Variants in FCAMR observed in about 807,000 individuals in gnomAD.
The protein encoded by FCAMR is Fc alpha and mu receptor.
FCAMR carries 51 observed loss-of-function variants against 52.2 expected under a neutral mutation model. The ratio of observed to expected loss-of-function variants is 0.98; its 90% CI spans 0.78 to 1.23. The LOEUF (loss-of-function observed/expected upper bound fraction) is 1.23, where lower values mean the gene tolerates loss of function less well. Ranked by LOEUF, FCAMR falls within the 50% of genes most tolerant of loss-of-function variation. The probability of loss-of-function intolerance (pLI) is 0.00; values close to 1 mark genes in which losing one functional copy is unlikely to be tolerated. For synonymous variants in FCAMR, 282 were observed against 262.0 expected (o/e 1.08, Z -0.74); for missense variants, 719 against 712.6 (o/e 1.01, Z -0.10).
upstream of FCAMR, chr1:206,970,536 T>C (rs56198560): frequency 3.5e-3 from 545 of 155,702 alleles, 15 homozygotes; most frequent in Admixed American, 0.024. Flanking sequence ...GGACAAGTGA[T>C]GCAACAACTT....
At chr1:206,958,881 C>G (rs937773537) in intron 7 of FCAMR, 20 of 687,340 alleles carry the variant, frequency 2.9e-5, no homozygotes, top group Middle Eastern at 4.7e-4. Flanking sequence ...TAGCCTCCTC[C>G]ACTTGCTGCC....
intron 5 of FCAMR, 24 bp from the exon 6 acceptor site, chr1:206,961,247 C>CA: frequency 6.7e-7 from 1 of 1,498,400 alleles, no homozygotes; most frequent in South Asian, 1.3e-5. Context: ...AGAGGGAGGC[C>CA]ACATGGGAAG....
Position 206,959,932 on chromosome 1 carries a change from G to T in FCAMR, c.1455-135C>A, listed in dbSNP as rs536128027. On this transcript the variant is annotated intron_variant, in intron 6 of 7. Coordinates refer to ENST00000324852, the MANE Select transcript of FCAMR (RefSeq NM_001170631.2). ...GCAAATGGGCAGCCCTGGTTCCCAT[G>T]GCTGGTTAGTGTCAGAGCTTGGGGC... The T allele has an allele frequency of 7.4e-5, 51 of 693,136 alleles. No homozygotes were observed. The South Asian group carries it at 8.4e-4, about 11-fold the overall frequency. 42.9% of individuals were successfully genotyped at this position (693,136 alleles called of 1,614,324 possible). A position where few individuals can be genotyped will look rare whatever the true frequency, so the allele number is the denominator to read the frequency against.
At position 206,960,687 on chromosome 1, in the gene FCAMR, C is replaced by T. The variant is rs1680473779; in HGVS notation, c.1189G>A (p.Val397Ile). ...GAACCCTGAGATTGTTGCTTAGAAACTGGCGTTGCTTGTGGGAGGATTTCC... is the reference window on the plus strand; with the variant it reads ...GAACCCTGAGATTGTTGCTTAGAAATTGGCGTTGCTTGTGGGAGGATTTCC... ...AWEILPQATP[V>I]SKQQSQGSIG... The change falls in exon 6 of 8, where the codon GTT (valine) becomes ATT (isoleucine). Residue 397 changes from valine (V) to isoleucine (I), a missense_variant. Physicochemically the swap from Val to Ile is conservative, Grantham distance 29. Coordinates refer to ENST00000324852, the MANE Select transcript of FCAMR (RefSeq NM_001170631.2). 3 of 1,552,208 alleles carry T rather than the reference C, an allele frequency of 1.9e-6. No individual in the cohort carries two copies. The highest frequency in any genetic ancestry group is 2.7e-5 in the African/African-American group (2 of 73,192).
chr1:206,958,991 G>A (rs1324858874), intron 7 of FCAMR: 2 of 521,718 alleles, frequency 3.8e-6, no homozygotes, highest in Admixed American at 4.6e-5. Flanking sequence ...ATTTTAGCTG[G>A]GCTTTGCCAA....
In FCAMR at chr1:206,967,088, T is replaced by G. The variant is rs1680744373; in HGVS notation, c.133A>C (p.Lys45Gln). 1 of 1,613,870 alleles carries G rather than the reference T, an allele frequency of 6.2e-7. No homozygotes were observed. The highest frequency in any genetic ancestry group is 1.7e-5 in the Admixed American group (1 of 59,996). ...SHVTSRRAGW[K>Q]MPLFLILCLL... ...CACAGTATGAGGAAGAGGGGCATTT[T>G]CCATCCCGCCCTCCTGCTGGTGACC... The change falls in exon 3 of 8, where the codon AAA (lysine) becomes CAA (glutamine). Residue 45 changes from lysine (K) to glutamine (Q), a missense_variant. Lys to Gln is a moderately conservative substitution (Grantham distance 53). Transcript: ENST00000324852.
At chr1:206,961,938 C>A (rs1680521978) in intron 5 of FCAMR, among the ~76,000 whole-genome samples, 1 of 152,242 alleles carries the variant, frequency 6.6e-6, no homozygotes, top group African/African-American at 2.4e-5. Context: ...TTCTTGGAGC[C>A]GTCTCCAAAT....
rs1680885993 is a variant in FCAMR at position 206,970,262 on chromosome 1, G to A, written c.-137C>T. ...GTATTTTGGAAAGCAGCTGGAGCTA[G>A]CAACGGAAGGTCGGGGTGCAAGGCG... On this transcript the variant is annotated 5_prime_UTR_variant, in exon 1 of 8. Transcript: ENST00000324852. The A allele has an allele frequency of 3.2e-6, 3 of 931,104 alleles. No homozygotes were observed. The highest frequency in any genetic ancestry group is 4.9e-6 in the Non-Finnish European group (3 of 610,306). The allele number at this position is 931,104 out of a possible 1,614,324, so 57.7% of individuals were successfully genotyped here. A position where few individuals can be genotyped will look rare whatever the true frequency, so the allele number is the denominator to read the frequency against.
At chr1:206,965,693 A>G in intron 4 of FCAMR, 22 bp downstream of exon 4, 1 of 1,542,918 alleles carries the variant, frequency 6.5e-7, no homozygotes, top group Non-Finnish European at 8.7e-7. Flanking sequence ...ATGGTCGAAC[A>G]AAGGGAGAGT....
At chr1:206,962,805 G>A (rs562107866) in intron 4 of FCAMR, among the ~76,000 whole-genome samples, 1 of 152,232 alleles carries the variant, frequency 6.6e-6, no homozygotes, top group South Asian at 2.1e-4. Flanking sequence ...GAGCTATCCT[G>A]GTCCATCCAG....
At chr1:206,964,188 G>A (rs1435068749) in intron 4 of FCAMR, among the ~76,000 whole-genome samples, 2 of 152,184 alleles carry the variant, frequency 1.3e-5, no homozygotes, top group East Asian at 1.9e-4. Flanking sequence ...CTCTGCAGCC[G>A]CTGATGATTC....
chr1:206,964,281 C>T (rs190963267), intron 4 of FCAMR, among the ~76,000 whole-genome samples: 196 of 152,292 alleles, frequency 1.3e-3, no homozygotes, highest in Non-Finnish European at 2.3e-3. Context: ...CAGCCCTGTA[C>T]ATGTGGTTCA....
intron 1 of FCAMR, among the ~76,000 whole-genome samples, chr1:206,968,032 T>G (rs867276987): frequency 6.6e-6 from 1 of 152,350 alleles, no homozygotes; most frequent in South Asian, 2.1e-4. Context: ...CTTTTACCGC[T>G]TGCTGATGAA....
chr1:206,967,024 C>A, intron 3 of FCAMR, 28 bp downstream of exon 3: 2 of 1,613,140 alleles, frequency 1.2e-6, no homozygotes, highest in Non-Finnish European at 1.7e-6. Context: ...TTTGTAAGCC[C>A]TGAACCTGGG....
chr1:206,966,375 G>A (rs1680707330), intron 3 of FCAMR, among the ~76,000 whole-genome samples: 1 of 152,018 alleles, frequency 6.6e-6, no homozygotes, highest in Middle Eastern at 3.2e-3. Context: ...TCAAATATTG[G>A]CTACATTTTT....
chr1:206,966,704 A>G (rs992833682), intron 3 of FCAMR, among the ~76,000 whole-genome samples: 14 of 152,172 alleles, frequency 9.2e-5, no homozygotes, highest in Admixed American at 8.5e-4. Flanking sequence ...CCTTTGATTC[A>G]TTAAAACTCT....
intron 1 of FCAMR, 60 bp from the exon 2 acceptor site, chr1:206,967,711 G>A: frequency 6.8e-7 from 1 of 1,476,414 alleles, no homozygotes; most frequent in Non-Finnish European, 9.5e-7. Context: ...CTGTTAGTAT[G>A]CCTCGGTTAG....
intron 4 of FCAMR, among the ~76,000 whole-genome samples, chr1:206,963,047 A>G (rs1680572509): frequency 6.6e-6 from 1 of 152,226 alleles, no homozygotes; most frequent in South Asian, 2.1e-4. Flanking sequence ...AACAGTGATG[A>G]TTCCCTGATA....
In FCAMR at chr1:206,967,457, G is replaced by A; in HGVS notation, c.108+126C>T. 2.9e-6 allele frequency: 3 copies of A among 1,039,158 alleles called. No individual in the cohort carries two copies. The East Asian group carries it at 7.1e-5, about 25-fold the overall frequency. 64.4% of individuals were successfully genotyped at this position (1,039,158 alleles called of 1,614,324 possible). A position where few individuals can be genotyped will look rare whatever the true frequency, so the allele number is the denominator to read the frequency against. ...AGTTTGTGGGGAGCACCGTGTAGTG[G>A]AAAGGCCACGTTTGAAGTCCAAACT... is the stretch of plus-strand genomic sequence containing the variant. On this transcript the variant is annotated intron_variant, in intron 2 of 7. Coordinates refer to ENST00000324852, the MANE Select transcript of FCAMR (RefSeq NM_001170631.2).
Sources: allele counts gnomAD v4.1 joint callset (sites outside exome capture counted in the v4.1 genomes callset), GRCh38; gene constraint gnomAD v4.1.1; transcripts MANE v1.5; gene names NCBI Gene and HGNC (gene_info 2026-07-23, HGNC 2026-07-21).